IP6K1: variants seen among roughly 807,000 people sequenced by gnomAD.
IP6K1 encodes ATP:1D-myo-inositol-hexakisphosphate phosphotransferase.
Under a neutral mutation model 38.3 loss-of-function variants are expected in IP6K1, and 13 were observed. The observed-to-expected ratio is 0.34, with a 90% CI of 0.22 to 0.54. IP6K1 has a LOEUF of 0.54. Ranked by LOEUF, IP6K1 falls within the 20% of genes least tolerant of loss-of-function variation. The pLI is 0.92. For missense variants in IP6K1, 397 were observed against 599.8 expected (o/e 0.66, Z 3.53); for synonymous variants, 212 against 229.9 (o/e 0.92, Z 0.70).
chr3:49,753,749 T>C lies in IP6K1; in HGVS notation c.-128-5581A>G, dbSNP rs151030033. On this transcript the variant is annotated intron_variant, in intron 1 of 5. Coordinates refer to ENST00000321599, the MANE Select transcript of IP6K1 (RefSeq NM_153273.4). ...ACCAAAAAAGTTTACATTTCTAACCTAGACCTAGCAAAAACCAGAACAAAC... is the reference window on the plus strand; with the variant it reads ...ACCAAAAAAGTTTACATTTCTAACCCAGACCTAGCAAAAACCAGAACAAAC... Among the ~76,000 whole-genome samples the C allele has an allele frequency of 6.6e-3, 1,009 of 152,300 alleles. 17 individuals carry two copies. Among genetic ancestry groups the C allele is most frequent in the African/African-American group, 0.023 (959 of 41,554 alleles).
At chr3:49,733,912 T>G (rs1559702513) in intron 3 of IP6K1, among the ~76,000 whole-genome samples, 1 of 152,148 alleles carries the variant, frequency 6.6e-6, no homozygotes, top group East Asian at 1.9e-4. Context: ...GGAGGATCAC[T>G]TGAGCCCAGG....
At chr3:49,779,204 T>A (rs1295365450) in intron 1 of IP6K1, among the ~76,000 whole-genome samples, 25 of 152,212 alleles carry the variant, frequency 1.6e-4, no homozygotes, top group Admixed American at 1.5e-3. Context: ...ATTCTGGATA[T>A]TTCACATAAA....
intron 1 of IP6K1, among the ~76,000 whole-genome samples, chr3:49,753,575 A>G (rs1015611619): frequency 2.0e-5 from 3 of 152,228 alleles, no homozygotes; most frequent in Non-Finnish European, 4.4e-5. Context: ...TACCTGGCAT[A>G]TAGTAACTAC....
rs146101769 is a variant in IP6K1, at chr3:49,748,014, C to T, written c.27G>A (p.Val9=). 6.2e-7 allele frequency: 1 copy of T among 1,613,526 alleles called. No homozygotes were observed. Among genetic ancestry groups the T allele is most frequent in the Non-Finnish European group, 8.5e-7 (1 of 1,180,058 alleles). The stretch of plus-strand genomic sequence containing the variant: ...GACTTGCATTCTTGCCATACTGCCC[C>T]ACTTCCATGGTTTGACAAACACACA... The part of the protein sequence containing the change: MCVCQTME[V]GQYGKNASRA... Residue 9 remains valine (V), a synonymous_variant, in exon 2 of 6, where the codon GTG becomes GTA. Transcript: ENST00000321599.
In IP6K1 at chr3:49,740,225, AT is replaced by A. The variant is rs1284207078; in HGVS notation, c.224-1804del. Among the ~76,000 whole-genome samples, 35 of 130,892 alleles carry A rather than the reference AT, an allele frequency of 2.7e-4. 1 individual carries two copies. Among genetic ancestry groups the A allele is most frequent in the Middle Eastern group, 3.7e-3 (1 of 268 alleles). 85.9% of individuals were successfully genotyped at this position (130,892 alleles called of 152,430 possible). On this transcript the variant is annotated intron_variant, in intron 2 of 5. Transcript: ENST00000321599. The stretch of plus-strand genomic sequence containing the variant: ...GATCGATAGAAACATAAAATTTGCA[AT>A]TCTTTTTTTTTTTTTTTTTTTTTTG...
At chr3:49,778,576 T>C (rs2081038743) in intron 1 of IP6K1, among the ~76,000 whole-genome samples, 1 of 151,936 alleles carries the variant, frequency 6.6e-6, no homozygotes, top group South Asian at 2.1e-4. Context: ...GAGGTTGTAG[T>C]GAGCCGAGAT....
chr3:49,762,512 T>C (rs1403403002), intron 1 of IP6K1, among the ~76,000 whole-genome samples: 3 of 152,112 alleles, frequency 2.0e-5, no homozygotes, highest in African/African-American at 7.2e-5. Flanking sequence ...ATCGTGCCAC[T>C]GCACTCAAAC....
chr3:49,747,889 AG>A lies in IP6K1; in HGVS notation c.151del (p.Leu51SerfsTer16). The A allele has an allele frequency of 6.2e-7, 1 of 1,614,134 alleles. No homozygotes were observed. The highest frequency in any genetic ancestry group is 8.5e-7 in the Non-Finnish European group (1 of 1,180,028). ...RYDDHTVCKP[L>X]ISREQRFYES... The stretch of plus-strand genomic sequence containing the variant: ...GTAAAAGCGCTGTTCCCGGGAGATG[AG>A]GGGCTTGCACACAGTGTGATCGTCG... On this transcript the variant is annotated frameshift_variant, in exon 2 of 6. Coordinates refer to ENST00000321599, the MANE Select transcript of IP6K1 (RefSeq NM_153273.4). LOFTEE classifies it high-confidence loss of function.
rs965238593 is a variant in IP6K1, at chr3:49,786,324, CGGTCTATCGG to C, written c.-129+20_-129+29del. The C allele has an allele frequency of 2.0e-5, 3 of 152,416 alleles. No homozygotes were observed. The highest frequency in any genetic ancestry group is 7.2e-5 in the African/African-American group (3 of 41,584). 9.4% of individuals were successfully genotyped at this position (152,416 alleles called of 1,614,324 possible). A position where few individuals can be genotyped will look rare whatever the true frequency, so the allele number is the denominator to read the frequency against. On this transcript the variant is annotated intron_variant, in intron 1 of 5. Transcript: ENST00000321599. The stretch of plus-strand genomic sequence containing the variant: ...ACCGCCCTCCCCGCGGGCGTCAGGC[CGGTCTATCGG>C]CCCGGCTCCTGTCACTCACCTGCCC...
chr3:49,732,042 T>C (rs561290122), intron 4 of IP6K1, among the ~76,000 whole-genome samples: 2 of 151,950 alleles, frequency 1.3e-5, no homozygotes, highest in Non-Finnish European at 2.9e-5. Flanking sequence ...GCTCAAGCAA[T>C]CCTCCCACCT....
At chr3:49,780,306 T>TCACACACACACACACACACACACA (rs1405695613) in intron 1 of IP6K1, among the ~76,000 whole-genome samples, 116 of 10,828 alleles carry the variant, frequency 0.011, 2 homozygotes, top group African/African-American at 0.023. Context: ...TTATCATCTT[T>TCACACACACACACACACACACACA]CATACACACA....
chr3:49,783,640 G>T (rs2081087130), intron 1 of IP6K1, among the ~76,000 whole-genome samples: 1 of 151,366 alleles, frequency 6.6e-6, no homozygotes, highest in East Asian at 1.9e-4. Context: ...GTGAACCCAG[G>T]AGGTGGAGCT....
chr3:49,783,475 G>T (rs988639237), intron 1 of IP6K1, among the ~76,000 whole-genome samples: 2 of 151,988 alleles, frequency 1.3e-5, no homozygotes, highest in African/African-American at 4.8e-5. Context: ...CACTTTGGGA[G>T]GCCGAGGTAG....
In IP6K1 at chr3:49,774,018, CAA is replaced by C. The variant is rs1491128094; in HGVS notation, c.-129+12334_-129+12335del. 1.6e-4 allele frequency among the ~76,000 whole-genome samples: 17 copies of C among 103,122 alleles called. No homozygotes were observed. The South Asian group carries it at 1.8e-3, about 11-fold the overall frequency. The allele number at this position is 103,122 out of a possible 152,430, so 67.7% of individuals were successfully genotyped here. On this transcript the variant is annotated intron_variant, in intron 1 of 5. Transcript: ENST00000321599. The stretch of plus-strand genomic sequence containing the variant: ...ACACACACACACACACACACACACA[CAA>C]CACACACATAAAACCAGAATACTCA...
chr3:49,782,627 C>A (rs915800383), intron 1 of IP6K1, among the ~76,000 whole-genome samples: 1 of 151,914 alleles, frequency 6.6e-6, no homozygotes, highest in Admixed American at 6.6e-5. Flanking sequence ...CATAGTGAGA[C>A]CCCCATCTCT....
chr3:49,728,866 C>T (rs998171235), intron 4 of IP6K1, among the ~76,000 whole-genome samples: 3 of 152,002 alleles, frequency 2.0e-5, no homozygotes, highest in East Asian at 1.9e-4. Context: ...TGAGCCACCA[C>T]GCCCAGCTAG....
At chr3:49,780,263 GTAAC>G (rs2081053033) in intron 1 of IP6K1, among the ~76,000 whole-genome samples, 1 of 121,010 alleles carries the variant, frequency 8.3e-6, no homozygotes, top group African/African-American at 3.0e-5. Context: ...CTAAATAAAC[GTAAC>G]TTCAAACCAC....
chr3:49,734,289 C>T (rs936414024), intron 3 of IP6K1, among the ~76,000 whole-genome samples: 1 of 151,774 alleles, frequency 6.6e-6, no homozygotes, highest in African/African-American at 2.4e-5. Context: ...TACTGTCTAT[C>T]ATACTGAAAG....
At chr3:49,770,976 G>A (rs768846253) in intron 1 of IP6K1, among the ~76,000 whole-genome samples, 3 of 151,692 alleles carry the variant, frequency 2.0e-5, no homozygotes, top group Non-Finnish European at 4.4e-5. Flanking sequence ...AAAATAAGCT[G>A]GGCATGGTAG....
Sources: allele counts gnomAD v4.1 joint callset (sites outside exome capture counted in the v4.1 genomes callset), GRCh38; gene constraint gnomAD v4.1.1; transcripts MANE v1.5; gene names NCBI Gene and HGNC (gene_info 2026-07-23, HGNC 2026-07-21).